The following POLQ variants were observed in gnomAD, a reference collection of about 807,000 sequenced individuals.
POLQ encodes DNA polymerase theta.
POLQ carries 233 observed loss-of-function variants against 259.2 expected under a neutral mutation model. The observed-to-expected ratio is 0.90, with a 90% CI of 0.81 to 1.00. POLQ has a LOEUF of 1.00. Among genes scored for constraint, POLQ ranks in the 50% least tolerant of loss-of-function variants. POLQ has a pLI of 0.00. For synonymous variants in POLQ, 1,025 were observed against 1,048.8 expected, an observed-to-expected ratio of 0.98 and a Z score of 0.44; for missense variants, 2,871 against 3,051.6, an observed-to-expected ratio of 0.94 and a Z score of 1.39.
intron 9 of POLQ, among the ~76,000 whole-genome samples, chr3:121,515,083 G>A (rs898938058): frequency 2.0e-5 from 3 of 152,152 alleles, no homozygotes; most frequent in Admixed American, 6.5e-5. Flanking sequence ...TGCCAAGGGT[G>A]GAAGTTTAAA....
rs1385542657 is a variant in POLQ, at chr3:121,432,163, C to G, written c.*141G>C. 2 of 733,816 alleles carry G rather than the reference C, an allele frequency of 2.7e-6. No homozygotes were observed. Among genetic ancestry groups the G allele is most frequent in the Non-Finnish European group, 4.2e-6 (2 of 480,844 alleles). The allele number at this position is 733,816 out of a possible 1,614,324, so 45.5% of individuals were successfully genotyped here. A position where few individuals can be genotyped will look rare whatever the true frequency, so the allele number is the denominator to read the frequency against. ...ATAGACACTGATATATAGTTTGAAA[C>G]TCTCACTATAAAATTACTAGGCTAA... On this transcript the variant is annotated 3_prime_UTR_variant, in exon 30 of 30. Transcript: ENST00000264233.
At chr3:121,475,805 C>T (rs2047920496) in intron 20 of POLQ, among the ~76,000 whole-genome samples, 1 of 152,198 alleles carries the variant, frequency 6.6e-6, no homozygotes, top group Admixed American at 6.5e-5. Context: ...CCATCTGAAT[C>T]ACAAGGGCAG....
At chr3:121,445,605 G>A (rs577057333) in intron 26 of POLQ, among the ~76,000 whole-genome samples, 1 of 152,278 alleles carries the variant, frequency 6.6e-6, no homozygotes, top group East Asian at 1.9e-4. Flanking sequence ...GCTCAAGCCT[G>A]TAATCCCAGC....
intron 27 of POLQ, among the ~76,000 whole-genome samples, chr3:121,438,731 T>G (rs1053784734): frequency 2.6e-5 from 4 of 152,224 alleles, no homozygotes; most frequent in African/African-American, 9.7e-5. Flanking sequence ...ATATATATTT[T>G]TTTGTTTGCA....
At position 121,490,704 on chromosome 3, in the gene POLQ, AAGAC is replaced by A. The variant is rs1576415342; in HGVS notation, c.2523-300_2523-297del. On this transcript the variant is annotated intron_variant, in intron 15 of 29. Coordinates refer to ENST00000264233, the MANE Select transcript of POLQ (RefSeq NM_199420.4). ...TGGCATAATAAAGGAAGGCTTCACT[AAGAC>A]AGATTCTTTAAGTAGAAGCCTTTAA... 2.0e-5 allele frequency among the ~76,000 whole-genome samples: 3 copies of A among 152,342 alleles called. No individual in the cohort carries two copies. In the East Asian group the frequency reaches 5.8e-4, roughly 29 times the overall value.
At chr3:121,439,229 T>C (rs1576396928) in intron 27 of POLQ, among the ~76,000 whole-genome samples, 1 of 13,828 alleles carries the variant, frequency 7.2e-5, no homozygotes, top group African/African-American at 2.2e-4. Context: ...AGATAGTGCC[T>C]TTTTTTTTTT....
In POLQ at chr3:121,487,763, C is replaced by T. The variant is rs748483271; in HGVS notation, c.5168G>A (p.Arg1723His). The change falls in exon 16 of 30, where the codon CGT becomes CAT. Residue 1723 changes from arginine (R) to histidine (H), a missense_variant. Arg to His is a conservative substitution (Grantham distance 29, BLOSUM62 0). Coordinates refer to ENST00000264233, the MANE Select transcript of POLQ (RefSeq NM_199420.4). Reference sequence around the variant, plus strand: ...ATCATCAACTATATTACTTTCTTTACGAGGTAAGAGGGATGAGGTTTCATC... The same window carrying T: ...ATCATCAACTATATTACTTTCTTTATGAGGTAAGAGGGATGAGGTTTCATC... ...NHDETSSLLP[R>H]KESNIVDDNG... 12 of 1,612,570 alleles carry T rather than the reference C, an allele frequency of 7.4e-6. No homozygotes were observed. Among genetic ancestry groups the T allele is most frequent in the Admixed American group, 1.7e-5 (1 of 59,918 alleles).
intron 7 of POLQ, among the ~76,000 whole-genome samples, chr3:121,525,137 C>T (rs1452591051): frequency 2.0e-5 from 3 of 152,006 alleles, no homozygotes; most frequent in African/African-American, 4.8e-5. Context: ...GTTAGGAGAT[C>T]GAGACCATCC....
intron 28 of POLQ, among the ~76,000 whole-genome samples, chr3:121,435,634 A>T (rs1457158000): frequency 6.6e-6 from 1 of 152,228 alleles, no homozygotes; most frequent in East Asian, 1.9e-4. Flanking sequence ...GTCTCCCACA[A>T]ATTGAGACAT....
intron 26 of POLQ, among the ~76,000 whole-genome samples, chr3:121,441,605 A>G (rs894109162): frequency 6.6e-6 from 1 of 152,218 alleles, no homozygotes; most frequent in Non-Finnish European, 1.5e-5. Flanking sequence ...TCTGTTGTGG[A>G]GGTATAACAA....
chr3:121,451,704 G>T (rs118069544), intron 25 of POLQ, among the ~76,000 whole-genome samples: 2,613 of 152,306 alleles, frequency 0.017, 53 homozygotes, highest in East Asian at 0.072. Context: ...TCCTACTGGG[G>T]GGTGCCTCCT....
At chr3:121,451,660 GA>G (rs1576401003) in intron 25 of POLQ, among the ~76,000 whole-genome samples, 1 of 152,326 alleles carries the variant, frequency 6.6e-6, no homozygotes, top group East Asian at 1.9e-4. Context: ...CTTTGTCTCA[GA>G]GGGGTAACTG....
chr3:121,514,361 C>CA (rs76640182), intron 9 of POLQ, among the ~76,000 whole-genome samples: 11,222 of 85,116 alleles, frequency 0.13, 959 homozygotes, highest in African/African-American at 0.26. Flanking sequence ...CAACAATAAC[C>CA]AAAAAAAAAA....
intron 6 of POLQ, 87 bp from the exon 7 acceptor site, chr3:121,529,879 G>T (rs1197893791): frequency 2.0e-6 from 2 of 1,011,370 alleles, no homozygotes; most frequent in Non-Finnish European, 1.4e-6. Flanking sequence ...CCTTTCTGGG[G>T]AAGCTTTTTC....
At chr3:121,534,233 T>C (rs1354220218) in intron 5 of POLQ, among the ~76,000 whole-genome samples, 3 of 152,294 alleles carry the variant, frequency 2.0e-5, no homozygotes, top group African/African-American at 7.2e-5. Flanking sequence ...GTGTTTTTCT[T>C]ATTCATTTGT....
At chr3:121,458,808 C>T (rs1044075247) in intron 25 of POLQ, among the ~76,000 whole-genome samples, 4 of 152,100 alleles carry the variant, frequency 2.6e-5, no homozygotes, top group East Asian at 3.8e-4. Flanking sequence ...CCCAGCACTT[C>T]GGGAGGCCAA....
At chr3:121,484,985 C>A in intron 17 of POLQ, 56 bp downstream of exon 17, 1 of 1,259,546 alleles carries the variant, frequency 7.9e-7, no homozygotes, top group African/African-American at 1.5e-5. Context: ...AAGATCACTA[C>A]CCTAATGGAT....
Position 121,544,797 on chromosome 3 carries a change from C to T in POLQ, c.273G>A (p.Lys91=). ...GGCACTCTGCCTGCCATTCAAACAT[C>T]TTTTTTACACCAAAACTGTGGTATT... The part of the protein sequence containing the change: ...LEKYHSFGVK[K]MFEWQAECLL... The change falls in exon 2 of 30, where the codon AAG becomes AAA. Residue 91 remains lysine (K), a synonymous_variant. Transcript: ENST00000264233. 1 of 1,613,508 alleles carries T rather than the reference C, an allele frequency of 6.2e-7. No individual in the cohort carries two copies. The highest frequency in any genetic ancestry group is 8.5e-7 in the Non-Finnish European group (1 of 1,179,468).
At position 121,472,132 on chromosome 3, in the gene POLQ, A is replaced by G; in HGVS notation, c.6576T>C (p.Pro2192=). The change falls in exon 22 of 30, where the codon CCT becomes CCC. Residue 2192 remains proline, a synonymous_variant. Coordinates refer to ENST00000264233, the MANE Select transcript of POLQ (RefSeq NM_199420.4). ...TCCATTCTAATATCAAGCCTGGTAA[A>G]GGATGTAATGCCTTTAATTTATTTA... The part of the protein sequence containing the change: ...DVLNKLKALH[P]LPGLILEWRR... 6.4e-7 allele frequency: 1 copy of G among 1,553,564 alleles called. No individual in the cohort carries two copies. The highest frequency in any genetic ancestry group is 8.8e-7 in the Non-Finnish European group (1 of 1,135,468).
Sources: allele counts gnomAD v4.1 joint callset (sites outside exome capture counted in the v4.1 genomes callset), GRCh38; gene constraint gnomAD v4.1.1; transcripts MANE v1.5; gene names NCBI Gene and HGNC (gene_info 2026-07-23, HGNC 2026-07-21).